Variants in WWOX observed in about 807,000 individuals in gnomAD.
WWOX encodes WW domain-containing oxidoreductase.
Under a neutral mutation model 46.2 loss-of-function variants are expected in WWOX, and 69 were observed. That is an observed-to-expected ratio of 1.49 (90% CI 1.23 to 1.82). The LOEUF (loss-of-function observed/expected upper bound fraction) is 1.82. Among genes scored for constraint, WWOX ranks in the 40% most tolerant of loss-of-function variants. The pLI is 0.00. For synonymous variants in WWOX, 359 were observed against 202.6 expected (o/e 1.77, Z -6.56); for missense variants, 919 against 542.6 (o/e 1.69, Z -6.89).
At chr16:79,142,754 A>T (rs985689509) in intron 8 of WWOX, among the ~76,000 whole-genome samples, 1 of 152,166 alleles carries the variant, frequency 6.6e-6, no homozygotes, top group Admixed American at 6.5e-5. Flanking sequence ...GCGGGACTGC[A>T]GTGGCACCAT....
intron 8 of WWOX, among the ~76,000 whole-genome samples, chr16:79,007,644 C>T (rs2047216384): frequency 6.6e-6 from 1 of 152,178 alleles, no homozygotes; most frequent in South Asian, 2.1e-4. Flanking sequence ...CCTTAAACCT[C>T]ACTGCAGAGT....
intron 8 of WWOX, among the ~76,000 whole-genome samples, chr16:78,835,811 T>C (rs540383556): frequency 1.3e-5 from 2 of 152,366 alleles, no homozygotes; most frequent in East Asian, 3.9e-4. Context: ...AAAAATGTCT[T>C]CAACTTCTTT....
chr16:78,327,076 C>T (rs2080640870), intron 5 of WWOX, among the ~76,000 whole-genome samples: 1 of 152,164 alleles, frequency 6.6e-6, no homozygotes, highest in African/African-American at 2.4e-5. Flanking sequence ...CAGGAGCATC[C>T]ATGCACCTCA....
At chr16:78,447,629 G>A (rs1281066696) in intron 8 of WWOX, among the ~76,000 whole-genome samples, 2 of 152,130 alleles carry the variant, frequency 1.3e-5, no homozygotes, top group Non-Finnish European at 2.9e-5. Flanking sequence ...AGTCGGAGGC[G>A]GAAGGAAATG....
intron 5 of WWOX, among the ~76,000 whole-genome samples, chr16:78,172,319 C>T (rs149754193): frequency 3.9e-5 from 6 of 152,234 alleles, no homozygotes; most frequent in Middle Eastern, 3.4e-3. Context: ...AGTAGTATAT[C>T]GTGTATTTAC....
chr16:78,956,684 C>A (rs746337877), intron 8 of WWOX, among the ~76,000 whole-genome samples: 1 of 152,080 alleles, frequency 6.6e-6, no homozygotes, highest in African/African-American at 2.4e-5. Flanking sequence ...ACTTTTTAAT[C>A]TCTTTGTGCA....
At chr16:78,167,081 A>T (rs2034998869) in intron 5 of WWOX, 2 of 152,260 alleles carry the variant, frequency 1.3e-5, no homozygotes, top group Admixed American at 1.3e-4. Flanking sequence ...TGTTTAAACC[A>T]GTCTTGGAAG....
chr16:78,919,025 A>G (rs956676164), intron 8 of WWOX, among the ~76,000 whole-genome samples: 1 of 152,068 alleles, frequency 6.6e-6, no homozygotes, highest in East Asian at 1.9e-4. Flanking sequence ...GTAGTGTGTA[A>G]CTTCGTTAAG....
intron 8 of WWOX, among the ~76,000 whole-genome samples, chr16:78,751,890 G>C (rs2049489544): frequency 6.6e-6 from 1 of 152,138 alleles, no homozygotes; most frequent in Non-Finnish European, 1.5e-5. Context: ...AGTAAGACTG[G>C]AGGCAGAGTG....
chr16:78,770,400 A>G (rs2050035368), intron 8 of WWOX, among the ~76,000 whole-genome samples: 1 of 152,154 alleles, frequency 6.6e-6, no homozygotes, highest in South Asian at 2.1e-4. Context: ...CAGATTTGGG[A>G]GCAGCCAGTA....
intron 8 of WWOX, among the ~76,000 whole-genome samples, chr16:78,603,786 G>C (rs550778838): frequency 7.4e-4 from 113 of 152,210 alleles, no homozygotes; most frequent in Non-Finnish European, 1.2e-3. Context: ...GGAACAAGTG[G>C]GGTGGGGACA....
chr16:78,814,446 T>C (rs1458516666), intron 8 of WWOX, among the ~76,000 whole-genome samples: 4 of 151,766 alleles, frequency 2.6e-5, no homozygotes, highest in Non-Finnish European at 5.9e-5. Context: ...CACTGTGTGA[T>C]GAAACTACCA....
intron 8 of WWOX, among the ~76,000 whole-genome samples, chr16:78,782,502 C>G (rs549022353): frequency 1.4e-4 from 21 of 152,278 alleles, no homozygotes; most frequent in Admixed American, 2.6e-4. Context: ...GAGGAAAAAT[C>G]ATCCAAACTA....
At chr16:78,691,637 G>T (rs746021100) in intron 8 of WWOX, among the ~76,000 whole-genome samples, 3 of 152,182 alleles carry the variant, frequency 2.0e-5, no homozygotes, top group Non-Finnish European at 4.4e-5. Flanking sequence ...GAGCCTAGGA[G>T]GTTGAGAGTG....
intron 8 of WWOX, among the ~76,000 whole-genome samples, chr16:78,987,887 A>G (rs1299899374): frequency 2.0e-5 from 3 of 152,164 alleles, no homozygotes; most frequent in Non-Finnish European, 2.9e-5. Context: ...TTACAACATG[A>G]TTCCGGTGAA....
intron 8 of WWOX, chr16:78,780,478 C>G (rs1423148329): frequency 6.6e-6 from 1 of 152,192 alleles, no homozygotes; most frequent in Admixed American, 6.5e-5. Context: ...CTTAACAGGA[C>G]TTCCGTGATG....
At chr16:78,554,131 C>A (rs536563903) in intron 8 of WWOX, among the ~76,000 whole-genome samples, 2 of 152,276 alleles carry the variant, frequency 1.3e-5, no homozygotes, top group Admixed American at 6.5e-5. Flanking sequence ...TTATCAGCTT[C>A]TTGCTACCAT....
At chr16:78,752,770 A>G (rs1401990504) in intron 8 of WWOX, among the ~76,000 whole-genome samples, 6 of 152,324 alleles carry the variant, frequency 3.9e-5, no homozygotes, top group African/African-American at 1.4e-4. Flanking sequence ...ACTTTATGTA[A>G]TAAGTAGTCT....
At chr16:78,181,482 T>C (rs1189611180) in intron 5 of WWOX, among the ~76,000 whole-genome samples, 1 of 152,186 alleles carries the variant, frequency 6.6e-6, no homozygotes, top group African/African-American at 2.4e-5. Context: ...GGAGGAATGA[T>C]TGTTCCAATT....
Sources: gnomAD v4.1 joint callset for allele counts (sites outside exome capture counted in the v4.1 genomes callset) on GRCh38, gnomAD v4.1.1 for gene constraint, MANE v1.5 for transcripts, NCBI Gene and HGNC (gene_info 2026-07-23, HGNC 2026-07-21) for gene names.